SHC4: variants seen among roughly 807,000 people sequenced by gnomAD.
The protein encoded by SHC4 is SHC-transforming protein 4.
In SHC4, 41 loss-of-function variants were observed where a neutral mutation model predicts 69.4. That is an observed-to-expected ratio of 0.59 (90% CI 0.46 to 0.77). The LOEUF is 0.77. Among genes scored for constraint, SHC4 ranks in the 30% least tolerant of loss-of-function variants. The pLI, the probability that SHC4 is intolerant of heterozygous loss-of-function variation, is 0.00. For missense variants in SHC4, 777 were observed against 783.8 expected, an observed-to-expected ratio of 0.99 and a Z score of 0.10; for synonymous variants, 318 against 299.3, an observed-to-expected ratio of 1.06 and a Z score of -0.64.
intron 1 of SHC4, among the ~76,000 whole-genome samples, chr15:48,937,148 T>A (rs1901086363): frequency 6.6e-6 from 1 of 152,262 alleles, no homozygotes; most frequent in African/African-American, 2.4e-5. Context: ...ATGTATATTC[T>A]GTTTAGTCGC....
intron 6 of SHC4, 79 bp downstream of exon 6, chr15:48,867,739 C>T (rs1899590153): frequency 3.4e-6 from 4 of 1,193,346 alleles, no homozygotes; most frequent in Admixed American, 1.7e-5. Context: ...TCACTCTGTA[C>T]ATTGAAAATA....
chr15:48,915,280 C>T (rs1289581166), intron 2 of SHC4, among the ~76,000 whole-genome samples: 1 of 152,192 alleles, frequency 6.6e-6, no homozygotes, highest in Admixed American at 6.5e-5. Flanking sequence ...AATTGGCTTT[C>T]ATACCCTCTC....
chr15:48,890,627 C>T, intron 3 of SHC4, 121 bp downstream of exon 3: 3 of 1,087,774 alleles, frequency 2.8e-6, no homozygotes, highest in Non-Finnish European at 2.8e-6. Context: ...TCTGATATCA[C>T]GCCACCTAAT....
At chr15:48,858,555 T>C (rs1006016061) in intron 6 of SHC4, among the ~76,000 whole-genome samples, 1 of 152,232 alleles carries the variant, frequency 6.6e-6, no homozygotes, top group Non-Finnish European at 1.5e-5. Context: ...GGCAGGCATC[T>C]GACTATCACA....
At chr15:48,903,937 C>A (rs1434917923) in intron 2 of SHC4, among the ~76,000 whole-genome samples, 1 of 152,188 alleles carries the variant, frequency 6.6e-6, no homozygotes, top group Non-Finnish European at 1.5e-5. Context: ...AGCTAACATT[C>A]TCTGTTTTAA....
chr15:48,877,454 T>C (rs1899828994), intron 4 of SHC4: 1 of 983,166 alleles, frequency 1.0e-6, no homozygotes, highest in Admixed American at 6.2e-5. Flanking sequence ...GGCTTTTAAG[T>C]TGAAGGTAAA....
At chr15:48,870,647 A>G (rs1175393634) in intron 5 of SHC4, among the ~76,000 whole-genome samples, 1 of 151,922 alleles carries the variant, frequency 6.6e-6, no homozygotes, top group Non-Finnish European at 1.5e-5. Context: ...ACTGCACTCC[A>G]GCCTGAGTGA....
intron 2 of SHC4, among the ~76,000 whole-genome samples, chr15:48,892,346 T>G (rs1027651856): frequency 6.6e-6 from 1 of 152,190 alleles, no homozygotes; most frequent in East Asian, 1.9e-4. Flanking sequence ...TTATCTTGTC[T>G]GATTTTTGCA....
chr15:48,829,978 GT>G (rs549068901), intron 11 of SHC4, among the ~76,000 whole-genome samples: 4 of 151,448 alleles, frequency 2.6e-5, no homozygotes, highest in South Asian at 2.1e-4. Flanking sequence ...GTTGGAGCTT[GT>G]TTTTTTTTAA....
At chr15:48,891,467 C>T (rs1900137170) in intron 2 of SHC4, among the ~76,000 whole-genome samples, 1 of 152,174 alleles carries the variant, frequency 6.6e-6, no homozygotes, top group Admixed American at 6.5e-5. Flanking sequence ...AGTAGTTGCT[C>T]CTTAATGGAA....
At chr15:48,877,502 GTATTTTGC>G in intron 4 of SHC4, 1 of 984,042 alleles carries the variant, frequency 1.0e-6, no homozygotes, top group Non-Finnish European at 1.2e-6. Flanking sequence ...ACACAAAATA[GTATTTTGC>G]TGTCAATACA....
In SHC4 at chr15:48,890,784, A is replaced by G. The variant is rs755997265; in HGVS notation, c.684T>C (p.Ala228=). Residue 228 remains alanine (A), a synonymous_variant, in exon 3 of 12, where the codon GCT becomes GCC. Transcript: ENST00000332408. The part of the protein sequence containing the change: ...TREAISRLCE[A]VPGANGAIKK... ...TAATGGCTCCATTTGCCCCGGGGAC[A>G]GCTTCACACAGGCGACTTATTGCTT... The G allele has an allele frequency of 2.5e-6, 4 of 1,614,126 alleles. No homozygotes were observed. The highest frequency in any genetic ancestry group is 3.4e-6 in the Non-Finnish European group (4 of 1,180,054).
chr15:48,844,394 C>A (rs1004655790), intron 9 of SHC4, among the ~76,000 whole-genome samples: 1 of 152,146 alleles, frequency 6.6e-6, no homozygotes, highest in African/African-American at 2.4e-5. Context: ...ACCCAGCTAC[C>A]CTTCTTCCTC....
At chr15:48,919,847 A>G (rs980316840) in intron 2 of SHC4, among the ~76,000 whole-genome samples, 6 of 152,136 alleles carry the variant, frequency 3.9e-5, no homozygotes, top group African/African-American at 1.4e-4. Flanking sequence ...AATCATGTAT[A>G]GACACATCTA....
chr15:48,938,933 G>A (rs73402269), intron 1 of SHC4, among the ~76,000 whole-genome samples: 2,029 of 152,222 alleles, frequency 0.013, 34 homozygotes, highest in African/African-American at 0.047. Context: ...GTGAAACCTT[G>A]GACAAATAAC....
chr15:48,936,293 T>C (rs1002301146), intron 1 of SHC4, among the ~76,000 whole-genome samples: 1 of 152,198 alleles, frequency 6.6e-6, no homozygotes, highest in Non-Finnish European at 1.5e-5. Context: ...CTGTAAGTCA[T>C]TAGTCATTAT....
At chr15:48,832,909 T>G (rs1819293921) in intron 11 of SHC4, among the ~76,000 whole-genome samples, 1 of 152,180 alleles carries the variant, frequency 6.6e-6, no homozygotes. Context: ...CTTTTTAATA[T>G]TTTCTTTCTC....
intron 5 of SHC4, among the ~76,000 whole-genome samples, chr15:48,868,403 A>C (rs1899603115): frequency 6.6e-6 from 1 of 152,230 alleles, no homozygotes; most frequent in Non-Finnish European, 1.5e-5. Context: ...AATACAAGGA[A>C]TTTATTTGAT....
chr15:48,922,575 C>A (rs1007966542), intron 2 of SHC4, among the ~76,000 whole-genome samples: 1 of 152,184 alleles, frequency 6.6e-6, no homozygotes, highest in Non-Finnish European at 1.5e-5. Flanking sequence ...TAATCCCACT[C>A]GTGAGGGCTC....
Sources: allele counts gnomAD v4.1 joint callset (sites outside exome capture counted in the v4.1 genomes callset), GRCh38; gene constraint gnomAD v4.1.1; transcripts MANE v1.5; gene names NCBI Gene and HGNC (gene_info 2026-07-23, HGNC 2026-07-21).